GRIK2: variants seen among roughly 807,000 people sequenced by gnomAD.
GRIK2 encodes glutamate ionotropic receptor kainate type subunit 2.
GRIK2 carries 32 observed loss-of-function variants against 100.3 expected under a neutral mutation model. The observed-to-expected ratio is 0.32, with a 90% CI of 0.24 to 0.43. GRIK2 has a LOEUF of 0.43. Ranked by LOEUF, GRIK2 falls within the 20% of genes least tolerant of loss-of-function variation. The pLI is 1.00. For missense variants in GRIK2, 843 were observed against 1,114.9 expected (o/e 0.76, Z 3.47); for synonymous variants, 417 against 389.4 (o/e 1.07, Z -0.83).
At chr6:101,675,123 CCTTT>C (rs554950812) in intron 4 of GRIK2, among the ~76,000 whole-genome samples, 442 of 152,166 alleles carry the variant, frequency 2.9e-3, no homozygotes, top group Non-Finnish European at 4.7e-3. Context: ...ATTTATTCTT[CCTTT>C]CTAATTGTAA....
chr6:101,869,833 G>T (rs1007221583), intron 11 of GRIK2, among the ~76,000 whole-genome samples: 2 of 151,802 alleles, frequency 1.3e-5, no homozygotes, highest in Non-Finnish European at 2.9e-5. Context: ...TACCGGTATA[G>T]AGGGGAATAT....
chr6:101,858,744 G>A (rs2128442933), intron 10 of GRIK2, among the ~76,000 whole-genome samples: 1 of 151,834 alleles, frequency 6.6e-6, no homozygotes, highest in East Asian at 1.9e-4. Context: ...ATTAAATATA[G>A]TAGTTGTAAT....
At chr6:101,560,474 A>C (rs531718367) in intron 2 of GRIK2, among the ~76,000 whole-genome samples, 26 of 152,146 alleles carry the variant, frequency 1.7e-4, no homozygotes, top group African/African-American at 6.0e-4. Context: ...CCAGTATAGC[A>C]TTTTCACCAT....
chr6:102,014,680 T>A (rs1795738941), intron 14 of GRIK2, among the ~76,000 whole-genome samples: 1 of 152,166 alleles, frequency 6.6e-6, no homozygotes, highest in African/African-American at 2.4e-5. Context: ...TCTGCCTTAG[T>A]TTCATTATTT....
chr6:101,870,835 A>G (rs974173683), intron 11 of GRIK2, among the ~76,000 whole-genome samples: 2 of 151,814 alleles, frequency 1.3e-5, no homozygotes, highest in Non-Finnish European at 2.9e-5. Context: ...TAAAACATAG[A>G]CTCATAAAAA....
intron 14 of GRIK2, among the ~76,000 whole-genome samples, chr6:101,951,109 G>A (rs1791579155): frequency 6.6e-6 from 1 of 152,150 alleles, no homozygotes; most frequent in Admixed American, 6.6e-5. Context: ...TGTGATGTTA[G>A]TAGAGAAATC....
chr6:101,565,428 A>C (rs992558019), intron 2 of GRIK2, among the ~76,000 whole-genome samples: 5 of 152,258 alleles, frequency 3.3e-5, no homozygotes, highest in African/African-American at 1.2e-4. Context: ...AAGAGTTTCT[A>C]AATGAATATA....
intron 4 of GRIK2, among the ~76,000 whole-genome samples, chr6:101,664,648 A>T (rs1769878117): frequency 2.0e-5 from 3 of 152,218 alleles, no homozygotes; most frequent in Non-Finnish European, 2.9e-5. Context: ...GCAGAAACAG[A>T]AACAGCATAT....
At chr6:101,614,878 A>G (rs1779825818) in intron 2 of GRIK2, among the ~76,000 whole-genome samples, 1 of 151,782 alleles carries the variant, frequency 6.6e-6, no homozygotes, top group African/African-American at 2.4e-5. Flanking sequence ...TACATCCATC[A>G]TGGGTTTATG....
intron 2 of GRIK2, among the ~76,000 whole-genome samples, chr6:101,544,964 A>C (rs770357306): frequency 1.3e-4 from 20 of 152,182 alleles, no homozygotes; most frequent in Non-Finnish European, 2.8e-4. Context: ...TCTTTTGTAA[A>C]ATAATAAAGA....
chr6:101,821,015 G>A (rs1781919624), intron 10 of GRIK2, among the ~76,000 whole-genome samples: 1 of 152,124 alleles, frequency 6.6e-6, no homozygotes, highest in Non-Finnish European at 1.5e-5. Flanking sequence ...TCGGAGAAAA[G>A]TGCCTTGGGT....
intron 10 of GRIK2, among the ~76,000 whole-genome samples, chr6:101,827,389 TA>T (rs1368776705): frequency 1.3e-5 from 2 of 151,912 alleles, no homozygotes; most frequent in Non-Finnish European, 2.9e-5. Context: ...CATGGTTTAT[TA>T]AAAAACTTAT....
intron 12 of GRIK2, among the ~76,000 whole-genome samples, chr6:101,900,155 C>T (rs1309828713): frequency 2.0e-5 from 3 of 151,998 alleles, no homozygotes; most frequent in Admixed American, 2.0e-4. Flanking sequence ...AAATCATCCA[C>T]CTAAGAATTT....
At chr6:101,772,186 G>C (rs1313276318) in intron 7 of GRIK2, among the ~76,000 whole-genome samples, 1 of 152,144 alleles carries the variant, frequency 6.6e-6, no homozygotes, top group African/African-American at 2.4e-5. Flanking sequence ...TAATCCACCA[G>C]TCTGGGACCC....
intron 14 of GRIK2, among the ~76,000 whole-genome samples, chr6:102,024,628 A>G (rs1251478085): frequency 6.6e-6 from 1 of 151,374 alleles, no homozygotes; most frequent in Non-Finnish European, 1.5e-5. Context: ...AGTAGGAAAG[A>G]AACAAGGATA....
At chr6:101,957,264 G>T (rs1265498854) in intron 14 of GRIK2, among the ~76,000 whole-genome samples, 1 of 4,860 alleles carries the variant, frequency 2.1e-4, no homozygotes, top group African/African-American at 1.3e-3. Context: ...GAACATTTTT[G>T]TCATGTTTTT....
chr6:101,716,853 GTTAAA>G (rs933075205), intron 7 of GRIK2, among the ~76,000 whole-genome samples: 1 of 151,730 alleles, frequency 6.6e-6, no homozygotes, highest in African/African-American at 2.4e-5. Flanking sequence ...ATTCCAAAAG[GTTAAA>G]TTAATTGCTC....
chr6:101,781,167 A>G (rs1165722624), intron 7 of GRIK2, among the ~76,000 whole-genome samples: 1 of 151,572 alleles, frequency 6.6e-6, no homozygotes, highest in East Asian at 1.9e-4. Context: ...ATGTAATTCC[A>G]TACTTATATT....
intron 14 of GRIK2, among the ~76,000 whole-genome samples, chr6:101,953,040 T>C (rs892726824): frequency 4.6e-5 from 7 of 152,232 alleles, no homozygotes; most frequent in Non-Finnish European, 1.0e-4. Flanking sequence ...AACAGTGATA[T>C]AGAATAAATG....
Sources: allele counts gnomAD v4.1 joint callset (sites outside exome capture counted in the v4.1 genomes callset), GRCh38; gene constraint gnomAD v4.1.1; transcripts MANE v1.5; gene names NCBI Gene and HGNC (gene_info 2026-07-23, HGNC 2026-07-21).